The following PVT1 variants were observed in gnomAD, a reference collection of about 807,000 sequenced individuals.
PVT1 encodes CXCR4/PVT1 fusion.
chr8:127,832,912 A>T (rs2129701368), intron 2 of PVT1, among the ~76,000 whole-genome samples: 1 of 152,270 alleles, frequency 6.6e-6, no homozygotes, highest in Non-Finnish European at 1.5e-5. Flanking sequence ...GAATTCAGGT[A>T]TTGGGTAAAA....
chr8:127,927,967 CT>C (rs1238736712), intron 3 of PVT1, among the ~76,000 whole-genome samples: 1 of 152,226 alleles, frequency 6.6e-6, no homozygotes, highest in Non-Finnish European at 1.5e-5. Context: ...GTGAGAAGGG[CT>C]GTCGTCCCCT....
At chr8:128,022,192 C>A (rs1220797652) in intron 4 of PVT1, among the ~76,000 whole-genome samples, 1 of 152,138 alleles carries the variant, frequency 6.6e-6, no homozygotes, top group East Asian at 1.9e-4. Flanking sequence ...AGGTGGGTTA[C>A]AATGTGCTCT....
rs1022570720 is a variant in PVT1, at chr8:128,077,798, A to C, written n.1114+7437A>C. 2.0e-5 allele frequency among the ~76,000 whole-genome samples: 3 copies of C among 152,178 alleles called. No individual in the cohort carries two copies. The East Asian group carries it at 5.8e-4, about 29-fold the overall frequency. Reference sequence around the variant, plus strand: ...GTCACATTGACACTCCCTACATCTGATCATCCTCCCAGCCATCAATACCAT... The same window carrying C: ...GTCACATTGACACTCCCTACATCTGCTCATCCTCCCAGCCATCAATACCAT... On this transcript the variant is annotated intron_variant and non_coding_transcript_variant, in intron 5 of 10. Coordinates refer to ENST00000651587, the Ensembl canonical transcript of PVT1.
At chr8:127,795,142 C>T (rs1814378754) in intron 1 of PVT1, among the ~76,000 whole-genome samples, 1 of 151,950 alleles carries the variant, frequency 6.6e-6, no homozygotes, top group East Asian at 1.9e-4. Context: ...TCCTCTCACA[C>T]CCCCTCAGGG....
chr8:127,817,738 A>T lies in PVT1; in HGVS notation n.372+21667A>T, dbSNP rs1224059355. Among the ~76,000 whole-genome samples the T allele has an allele frequency of 2.0e-5, 3 of 151,166 alleles. No homozygotes were observed. In the East Asian group the frequency reaches 5.9e-4, roughly 30 times the overall value. ...CTCTACAAAAATGAAAAATAAAAAA[A>T]AAAAAATTAGCTGGGTGTGGTGGCA... On this transcript the variant is annotated intron_variant and non_coding_transcript_variant, in intron 2 of 10. Transcript: ENST00000651587.
In PVT1 at chr8:127,962,934, G is replaced by T. The variant is rs557174547; in HGVS notation, n.783-26228G>T. Among the ~76,000 whole-genome samples the T allele has an allele frequency of 2.0e-5, 3 of 152,304 alleles. No individual in the cohort carries two copies. In the East Asian group the frequency reaches 5.8e-4, roughly 29 times the overall value. ...AGGGTCCCTGTTTTACAAAGGAGCA[G>T]TCCCTATTTTACTTGCAGATGGGCA... On this transcript the variant is annotated intron_variant and non_coding_transcript_variant, in intron 3 of 10. Coordinates refer to ENST00000651587, the Ensembl canonical transcript of PVT1.
At chr8:127,863,464 C>T (rs1302802276) in intron 2 of PVT1, among the ~76,000 whole-genome samples, 1 of 152,184 alleles carries the variant, frequency 6.6e-6, no homozygotes, top group Non-Finnish European at 1.5e-5. Flanking sequence ...GAACTTCTCT[C>T]TTCCCTTCTG....
chr8:128,059,483 T>G (rs1305727316), intron 4 of PVT1, among the ~76,000 whole-genome samples: 1 of 152,184 alleles, frequency 6.6e-6, no homozygotes, highest in African/African-American at 2.4e-5. Context: ...AGAAGAAGAA[T>G]ATTTTGTGAT....
intron 3 of PVT1, among the ~76,000 whole-genome samples, chr8:127,938,709 G>A (rs1354462003): frequency 6.6e-6 from 1 of 152,214 alleles, no homozygotes; most frequent in Non-Finnish European, 1.5e-5. Flanking sequence ...AAGTGTCCCT[G>A]AAAATGAGTG....
At chr8:128,011,726 G>T (rs1425593275) in intron 4 of PVT1, among the ~76,000 whole-genome samples, 5 of 152,202 alleles carry the variant, frequency 3.3e-5, no homozygotes, top group East Asian at 1.9e-4. Context: ...ACTGGACCTT[G>T]ATGGTGGTGA....
At chr8:127,991,140 C>CTTTTTTTT (rs35494368) in intron 4 of PVT1, among the ~76,000 whole-genome samples, 17 of 73,096 alleles carry the variant, frequency 2.3e-4, no homozygotes, top group Non-Finnish European at 3.4e-4. Flanking sequence ...TCTTTTCTTT[C>CTTTTTTTT]TTTTTTTTTT....
intron 3 of PVT1, among the ~76,000 whole-genome samples, chr8:127,960,947 G>C (rs1264856770): frequency 1.0e-4 from 14 of 134,146 alleles, no homozygotes; most frequent in East Asian, 1.0e-3. Flanking sequence ...TGGGGGTGGG[G>C]GGGGCGGGCG....
intron 5 of PVT1, among the ~76,000 whole-genome samples, chr8:128,071,999 T>A (rs1239201971): frequency 6.6e-6 from 1 of 152,244 alleles, no homozygotes; most frequent in Non-Finnish European, 1.5e-5. Context: ...CTCACAGAGT[T>A]AATAAACATA....
At chr8:127,901,761 T>C (rs975547540) in intron 3 of PVT1, among the ~76,000 whole-genome samples, 10 of 150,306 alleles carry the variant, frequency 6.7e-5, no homozygotes, top group African/African-American at 2.5e-4. Context: ...TTTTTTTTTT[T>C]AAATTTCTAA....
intron 2 of PVT1, among the ~76,000 whole-genome samples, chr8:127,832,816 C>A (rs1399975210): frequency 6.6e-6 from 1 of 152,034 alleles, no homozygotes; most frequent in Non-Finnish European, 1.5e-5. Context: ...TGAGATCGCA[C>A]CACTCCACTC....
intron 3 of PVT1, among the ~76,000 whole-genome samples, chr8:127,935,129 G>A (rs1437494816): frequency 6.6e-6 from 1 of 152,086 alleles, no homozygotes; most frequent in Non-Finnish European, 1.5e-5. Context: ...ACCACACCCA[G>A]CTAATTTTGT....
intron 5 of PVT1, among the ~76,000 whole-genome samples, chr8:128,080,943 C>G (rs558494034): frequency 6.6e-6 from 1 of 152,282 alleles, no homozygotes; most frequent in South Asian, 2.1e-4. Flanking sequence ...CTGGTTGTTT[C>G]AGCACCATTT....
chr8:127,893,755 A>T (rs1221488270), intron 3 of PVT1, among the ~76,000 whole-genome samples: 2 of 152,234 alleles, frequency 1.3e-5, no homozygotes, highest in Non-Finnish European at 2.9e-5. Context: ...ACATTCATTC[A>T]TAGAGAAGCT....
chr8:127,929,961 A>G (rs1816183688), intron 3 of PVT1, among the ~76,000 whole-genome samples: 1 of 152,196 alleles, frequency 6.6e-6, no homozygotes, highest in African/African-American at 2.4e-5. Context: ...CCTATAGAAC[A>G]TGGTCCTAAG....
Sources: gnomAD v4.1 joint callset for allele counts (sites outside exome capture counted in the v4.1 genomes callset) on GRCh38, gnomAD v4.1.1 for gene constraint, MANE v1.5 for transcripts, NCBI Gene and HGNC (gene_info 2026-07-23, HGNC 2026-07-21) for gene names.